The following CUL3 variants were observed in gnomAD, a reference collection of about 807,000 sequenced individuals.
CUL3 encodes cullin 3.
In CUL3, 19 loss-of-function variants were observed where a neutral mutation model predicts 89.1. The observed-to-expected ratio is 0.21, with a 90% CI of 0.15 to 0.31. The LOEUF (loss-of-function observed/expected upper bound fraction) is 0.31. Ranked by LOEUF, CUL3 falls within the 10% of genes least tolerant of loss-of-function variation. The pLI, the probability that CUL3 is intolerant of heterozygous loss-of-function variation, is 1.00. For missense variants in CUL3, 469 were observed against 942.3 expected (o/e 0.50, Z 6.58); for synonymous variants, 351 against 308.4 (o/e 1.14, Z -1.45).
Position 224,473,535 on chromosome 2 carries a change from T to C in CUL3, c.*710A>G, listed in dbSNP as rs894773973. On this transcript the variant is annotated 3_prime_UTR_variant, in exon 16 of 16. Coordinates refer to ENST00000264414, the MANE Select transcript of CUL3 (RefSeq NM_003590.5). Reference sequence around the variant, plus strand: ...GTACAATTTACACATACTAAAATACTTTCTTTCTCTAGAAATAACTCAGAA... The same window carrying C: ...GTACAATTTACACATACTAAAATACCTTCTTTCTCTAGAAATAACTCAGAA... The C allele has an allele frequency of 2.2e-5, 4 of 183,258 alleles. No homozygotes were observed. The highest frequency in any genetic ancestry group is 9.4e-5 in the African/African-American group (4 of 42,652). 11.4% of individuals were successfully genotyped at this position (183,258 alleles called of 1,614,324 possible). A position where few individuals can be genotyped will look rare whatever the true frequency, so the allele number is the denominator to read the frequency against.
intron 3 of CUL3, among the ~76,000 whole-genome samples, chr2:224,529,553 C>T (rs1355674691): frequency 5.3e-5 from 8 of 151,400 alleles, no homozygotes; most frequent in South Asian, 2.1e-4. Context: ...GGCATGAACC[C>T]GGGAGGCGGA....
intron 13 of CUL3, among the ~76,000 whole-genome samples, chr2:224,490,881 T>G (rs1691946358): frequency 6.6e-6 from 1 of 152,188 alleles, no homozygotes; most frequent in South Asian, 2.1e-4. Flanking sequence ...ACACAAATAA[T>G]GCTAAGATGG....
chr2:224,515,562 G>A (rs1182899018), intron 3 of CUL3, among the ~76,000 whole-genome samples: 1 of 152,088 alleles, frequency 6.6e-6, no homozygotes, highest in Non-Finnish European at 1.5e-5. Context: ...TAAGTACTTT[G>A]GAAAGAAAGC....
chr2:224,543,381 T>TAATTATACCAGGACATTAAAAAG (rs1276489914), intron 2 of CUL3, among the ~76,000 whole-genome samples: 1 of 152,218 alleles, frequency 6.6e-6, no homozygotes, highest in Non-Finnish European at 1.5e-5. Flanking sequence ...GAGCACATCC[T>TAATTATACCAGGACATTAAAAAG]AATTATACCA....
chr2:224,500,833 A>T (rs975771953), intron 10 of CUL3, among the ~76,000 whole-genome samples: 3 of 151,970 alleles, frequency 2.0e-5, no homozygotes, highest in Non-Finnish European at 2.9e-5. Context: ...CATGTTGGTC[A>T]GGCTGGTCTC....
Position 224,482,150 on chromosome 2 carries a change from A to T in CUL3, c.1843-72T>A, listed in dbSNP as rs1691557994. Reference sequence around the variant, plus strand: ...AGTTAGTTAATTAGCAAGTAAACTGACCAAGCAGTAGTTAAAAAGAGGTAA... The same window carrying T: ...AGTTAGTTAATTAGCAAGTAAACTGTCCAAGCAGTAGTTAAAAAGAGGTAA... On this transcript the variant is annotated intron_variant, in intron 13 of 15. Coordinates refer to ENST00000264414, the MANE Select transcript of CUL3 (RefSeq NM_003590.5). 10 of 1,173,930 alleles carry T rather than the reference A, an allele frequency of 8.5e-6. 1 individual carries two copies. The South Asian group carries it at 1.5e-4, about 18-fold the overall frequency. 72.7% of individuals were successfully genotyped at this position (1,173,930 alleles called of 1,614,324 possible). A position where few individuals can be genotyped will look rare whatever the true frequency, so the allele number is the denominator to read the frequency against.
intron 3 of CUL3, among the ~76,000 whole-genome samples, chr2:224,526,303 G>A (rs1288475992): frequency 1.3e-5 from 2 of 152,024 alleles, no homozygotes; most frequent in African/African-American, 4.8e-5. Context: ...ATGTATTTCC[G>A]GGCTGGGCGC....
At chr2:224,500,192 C>G in intron 11 of CUL3, 171 bp downstream of exon 11, 2 of 642,318 alleles carry the variant, frequency 3.1e-6, no homozygotes, top group Non-Finnish European at 5.1e-6. Flanking sequence ...CTTTACTCAT[C>G]AAGATCCTAT....
chr2:224,496,071 TCCAGG>T, intron 12 of CUL3, 105 bp from the exon 13 acceptor site: 1 of 1,294,626 alleles, frequency 7.7e-7, no homozygotes, highest in Non-Finnish European at 1.1e-6. Context: ...CACTTTGTCA[TCCAGG>T]CTACAGTGCA....
chr2:224,539,364 T>C (rs1694010301), intron 2 of CUL3, among the ~76,000 whole-genome samples: 1 of 152,184 alleles, frequency 6.6e-6, no homozygotes. Flanking sequence ...GAATGTAACA[T>C]GGTACAGTCA....
chr2:224,526,582 T>C (rs1443164851), intron 3 of CUL3, among the ~76,000 whole-genome samples: 7 of 89,830 alleles, frequency 7.8e-5, no homozygotes, highest in African/African-American at 3.2e-4. Flanking sequence ...GGAGACTCCG[T>C]CTCAAAAAAA....
chr2:224,474,482 TG>T (rs1253638124), intron 15 of CUL3, 106 bp from the exon 16 acceptor site: 1 of 881,344 alleles, frequency 1.1e-6, no homozygotes, highest in African/African-American at 1.7e-5. Flanking sequence ...CTTTACTAAC[TG>T]GATTACCAAA....
intron 3 of CUL3, among the ~76,000 whole-genome samples, chr2:224,519,113 G>T (rs1559165520): frequency 6.6e-6 from 1 of 152,182 alleles, no homozygotes; most frequent in Non-Finnish European, 1.5e-5. Context: ...GAAACTCTGA[G>T]CATCAACATG....
intron 3 of CUL3, among the ~76,000 whole-genome samples, chr2:224,520,866 T>C (rs1693233729): frequency 1.3e-5 from 2 of 152,208 alleles, no homozygotes; most frequent in African/African-American, 4.8e-5. Flanking sequence ...AGTTAAATGA[T>C]GTATAAGAAA....
chr2:224,470,636 TTCTCTA>T lies in CUL3; in HGVS notation c.*3603_*3608del, dbSNP rs1394088185. ...GGTACCCACTTAAGTATGTAAAACT[TTCTCTA>T]AGATTGTAGGAGACAAAGCGCCTAT... On this transcript the variant is annotated 3_prime_UTR_variant, in exon 16 of 16. Coordinates refer to ENST00000264414, the MANE Select transcript of CUL3 (RefSeq NM_003590.5). 4.3e-6 allele frequency: 1 copy of T among 231,772 alleles called. No individual in the cohort carries two copies. The highest frequency in any genetic ancestry group is 2.2e-5 in the African/African-American group (1 of 45,300). The allele number at this position is 231,772 out of a possible 1,614,324, so 14.4% of individuals were successfully genotyped here. A position where few individuals can be genotyped will look rare whatever the true frequency, so the allele number is the denominator to read the frequency against.
chr2:224,498,523 T>G (rs1326886445), intron 11 of CUL3, among the ~76,000 whole-genome samples: 3 of 152,210 alleles, frequency 2.0e-5, no homozygotes, highest in Non-Finnish European at 4.4e-5. Flanking sequence ...AAATGAGGAC[T>G]TTGGGGAGGG....
At chr2:224,497,972 T>C in intron 11 of CUL3, 123 bp from the exon 12 acceptor site, 1 of 714,986 alleles carries the variant, frequency 1.4e-6, no homozygotes, top group Non-Finnish European at 2.3e-6. Flanking sequence ...ACTTTAAAAC[T>C]TAAAGGAAAC....
chr2:224,542,749 T>G (rs956812112), intron 2 of CUL3, among the ~76,000 whole-genome samples: 1 of 152,150 alleles, frequency 6.6e-6, no homozygotes, highest in Non-Finnish European at 1.5e-5. Flanking sequence ...AATGATAAAT[T>G]AATGTCCAAG....
intron 2 of CUL3, among the ~76,000 whole-genome samples, chr2:224,546,904 GTC>G (rs908297361): frequency 6.6e-6 from 1 of 151,902 alleles, no homozygotes; most frequent in African/African-American, 2.4e-5. Flanking sequence ...TCCCCGACAA[GTC>G]TCTGTCTCTT....
Sources: allele counts gnomAD v4.1 joint callset (sites outside exome capture counted in the v4.1 genomes callset), GRCh38; gene constraint gnomAD v4.1.1; transcripts MANE v1.5; gene names NCBI Gene and HGNC (gene_info 2026-07-23, HGNC 2026-07-21).